EFNA5: variants seen among roughly 807,000 people sequenced by gnomAD.
EFNA5 encodes the protein ephrin-A5.
A neutral mutation model predicts 22.9 loss-of-function variants in EFNA5; 5 were observed. That is an observed-to-expected ratio of 0.22 (90% CI 0.11 to 0.46). The LOEUF is 0.46. Ranked by LOEUF, EFNA5 falls within the 20% of genes least tolerant of loss-of-function variation. The pLI, the probability that EFNA5 is intolerant of heterozygous loss-of-function variation, is 0.99. For synonymous variants in EFNA5, 113 were observed against 112.2 expected (o/e 1.01, Z -0.04); for missense variants, 237 against 293.3 (o/e 0.81, Z 1.40).
At chr5:107,642,176 C>T (rs1395064381) in intron 1 of EFNA5, among the ~76,000 whole-genome samples, 7 of 152,022 alleles carry the variant, frequency 4.6e-5, no homozygotes, top group African/African-American at 1.4e-4. Context: ...TTTAAAAGGC[C>T]AAGGAGGGGA....
chr5:107,489,505 T>C (rs771184736), intron 1 of EFNA5, among the ~76,000 whole-genome samples: 6 of 152,108 alleles, frequency 3.9e-5, no homozygotes, highest in Non-Finnish European at 7.3e-5. Flanking sequence ...ACTTAACAGA[T>C]TAAAATTTTC....
chr5:107,596,141 T>G (rs1201017868), intron 1 of EFNA5, among the ~76,000 whole-genome samples: 1 of 152,228 alleles, frequency 6.6e-6, no homozygotes, highest in African/African-American at 2.4e-5. Flanking sequence ...TTTTTTATTA[T>G]GGCAAAAACA....
chr5:107,529,584 C>T (rs753686388), intron 1 of EFNA5, among the ~76,000 whole-genome samples: 1 of 152,216 alleles, frequency 6.6e-6, no homozygotes, highest in Non-Finnish European at 1.5e-5. Flanking sequence ...TGCCTTCCTT[C>T]TCTGCACCAA....
At chr5:107,505,312 T>C (rs1747230261) in intron 1 of EFNA5, among the ~76,000 whole-genome samples, 1 of 152,344 alleles carries the variant, frequency 6.6e-6, no homozygotes, top group Middle Eastern at 3.4e-3. Flanking sequence ...ATCCTGTTAT[T>C]AATTTCACAA....
At chr5:107,637,724 ATATAT>A (rs1172862020) in intron 1 of EFNA5, among the ~76,000 whole-genome samples, 1 of 148,612 alleles carries the variant, frequency 6.7e-6, no homozygotes, top group African/African-American at 2.4e-5. Flanking sequence ...ATTATATATA[ATATAT>A]AATTTATGAT....
chr5:107,536,974 G>A (rs1041142498), intron 1 of EFNA5, among the ~76,000 whole-genome samples: 4 of 151,274 alleles, frequency 2.6e-5, no homozygotes, highest in Admixed American at 2.6e-4. Context: ...GTGTGGTGGC[G>A]GCTGCCTGTA....
At chr5:107,411,238 C>T (rs1250709533) in intron 2 of EFNA5, among the ~76,000 whole-genome samples, 1 of 152,210 alleles carries the variant, frequency 6.6e-6, no homozygotes, top group Non-Finnish European at 1.5e-5. Context: ...TTCTACAGTA[C>T]TGTTCATCAG....
intron 1 of EFNA5, among the ~76,000 whole-genome samples, chr5:107,563,750 T>C (rs766776061): frequency 7.2e-5 from 11 of 152,158 alleles, no homozygotes; most frequent in Non-Finnish European, 1.5e-4. Flanking sequence ...CATGCTTTCT[T>C]TTCCTTTCCT....
chr5:107,397,635 T>G (rs1747964534), intron 2 of EFNA5, among the ~76,000 whole-genome samples: 1 of 152,204 alleles, frequency 6.6e-6, no homozygotes, highest in Non-Finnish European at 1.5e-5. Context: ...GTAAGCCATG[T>G]TCTCCCCAAT....
rs1410588118 is a variant in EFNA5, at chr5:107,399,313, GGAAACGGAAAGGAAAGGAAA to G, written c.419-11562_419-11543del. ...ACTAAAGAAGGAAGGAAGGAAGGAAGGAAACGGAAAGGAAAGGAAAGGAAAGGAAAGGAAAGGAAAGGAAA... is the reference window on the plus strand; with the variant it reads ...ACTAAAGAAGGAAGGAAGGAAGGAAGGGAAAGGAAAGGAAAGGAAAGGAAA... On this transcript the variant is annotated intron_variant, in intron 2 of 4. Transcript: ENST00000333274. 2.8e-3 allele frequency among the ~76,000 whole-genome samples: 189 copies of G among 68,272 alleles called. 2 individuals are homozygous for G. The highest frequency in any genetic ancestry group is 4.1e-3 in the Non-Finnish European group (142 of 34,298). The allele number at this position is 68,272 out of a possible 152,430, so 44.8% of individuals were successfully genotyped here.
At chr5:107,530,109 G>A (rs59812715) in intron 1 of EFNA5, among the ~76,000 whole-genome samples, 3,704 of 152,228 alleles carry the variant, frequency 0.024, 122 homozygotes, top group African/African-American at 0.083. Context: ...AAGCAGTAAC[G>A]ACCAACTTCC....
At chr5:107,664,090 G>A (rs1056160394) in intron 1 of EFNA5, among the ~76,000 whole-genome samples, 1 of 152,080 alleles carries the variant, frequency 6.6e-6, no homozygotes, top group Non-Finnish European at 1.5e-5. Context: ...ATGGTTTACT[G>A]TTTGAAAATT....
intron 1 of EFNA5, among the ~76,000 whole-genome samples, chr5:107,557,080 C>T (rs1256333713): frequency 2.6e-5 from 4 of 152,114 alleles, no homozygotes; most frequent in African/African-American, 7.2e-5. Context: ...TGTTCCAAAT[C>T]CCTCTCCTAA....
chr5:107,397,531 G>A (rs1210452981), intron 2 of EFNA5, among the ~76,000 whole-genome samples: 1 of 147,304 alleles, frequency 6.8e-6, no homozygotes, highest in Non-Finnish European at 1.5e-5. Flanking sequence ...CTGGGTGACA[G>A]AGTGAGACTC....
chr5:107,643,613 A>C (rs1400492800), intron 1 of EFNA5, among the ~76,000 whole-genome samples: 1 of 151,932 alleles, frequency 6.6e-6, no homozygotes, highest in Non-Finnish European at 1.5e-5. Flanking sequence ...CCCCGAAGGG[A>C]AGTAATCCCT....
chr5:107,416,585 A>G (rs1418038322), intron 2 of EFNA5, among the ~76,000 whole-genome samples: 2 of 152,198 alleles, frequency 1.3e-5, no homozygotes, highest in Non-Finnish European at 1.5e-5. Context: ...TATATGCTAA[A>G]TCACTCTAAT....
chr5:107,508,632 C>T lies in EFNA5; in HGVS notation c.126-81123G>A, dbSNP rs1474746527. On this transcript the variant is annotated intron_variant, in intron 1 of 4. Transcript: ENST00000333274. ...CCTGCCATTTTCAAATTATCTTCAG[C>T]CTTGATATAACAATAATCTTAATTA... 6.6e-5 allele frequency among the ~76,000 whole-genome samples: 10 copies of T among 152,274 alleles called. No homozygotes were observed. The East Asian group carries it at 1.9e-3, about 29-fold the overall frequency.
chr5:107,589,551 T>C (rs1352656546), intron 1 of EFNA5, among the ~76,000 whole-genome samples: 4 of 152,204 alleles, frequency 2.6e-5, no homozygotes, highest in African/African-American at 7.2e-5. Context: ...AGAATGAAGT[T>C]GAAATACATG....
chr5:107,466,568 G>A (rs999227580), intron 1 of EFNA5, among the ~76,000 whole-genome samples: 2 of 152,158 alleles, frequency 1.3e-5, no homozygotes, highest in Non-Finnish European at 1.5e-5. Context: ...GCGGCATGAG[G>A]AATGTTCTCG....
Sources: gnomAD v4.1 joint callset for allele counts (sites outside exome capture counted in the v4.1 genomes callset) on GRCh38, gnomAD v4.1.1 for gene constraint, MANE v1.5 for transcripts, NCBI Gene and HGNC (gene_info 2026-07-23, HGNC 2026-07-21) for gene names.